TSGA10: variants seen among roughly 807,000 people sequenced by gnomAD.
TSGA10 encodes testis-specific gene 10 protein.
In TSGA10, 43 loss-of-function variants were observed where a neutral mutation model predicts 96.6. The ratio of observed to expected loss-of-function variants is 0.44; its 90% CI spans 0.35 to 0.57. The LOEUF (loss-of-function observed/expected upper bound fraction) is 0.57, where lower values mean the gene tolerates loss of function less well. TSGA10 is among the 20% of genes least tolerant of loss of function. The probability of loss-of-function intolerance (pLI) is 0.01; values close to 1 mark genes in which losing one functional copy is unlikely to be tolerated. For missense variants in TSGA10, 703 were observed against 834.4 expected, an observed-to-expected ratio of 0.84 and a Z score of 1.94; for synonymous variants, 229 against 269.9, an observed-to-expected ratio of 0.85 and a Z score of 1.48.
intron 1 of TSGA10, among the ~76,000 whole-genome samples, chr2:99,153,081 T>A (rs905186632): frequency 6.6e-6 from 1 of 151,808 alleles, no homozygotes; most frequent in African/African-American, 2.4e-5. Context: ...GAGTTGGCAG[T>A]GAGGCTGGAG....
intron 1 of TSGA10, chr2:99,140,961 G>A: frequency 1.5e-6 from 1 of 649,452 alleles, no homozygotes; most frequent in Non-Finnish European, 2.1e-6. Flanking sequence ...CGCTGCTAGC[G>A]CCCAACTCCG....
intron 20 of TSGA10, among the ~76,000 whole-genome samples, chr2:99,013,250 G>T (rs1214916932): frequency 1.3e-5 from 2 of 152,106 alleles, no homozygotes; most frequent in Non-Finnish European, 2.9e-5. Context: ...GTTCAAAGAA[G>T]TTTTTAATTT....
At chr2:99,074,000 CTTTTTT>C (rs1167854716) in intron 12 of TSGA10, among the ~76,000 whole-genome samples, 3 of 52,608 alleles carry the variant, frequency 5.7e-5, no homozygotes, top group Admixed American at 2.6e-4. Flanking sequence ...TGTTTCTTTT[CTTTTTT>C]TTTTTTTTTT....
intron 5 of TSGA10, among the ~76,000 whole-genome samples, chr2:99,110,125 A>G (rs1281307625): frequency 6.6e-6 from 1 of 152,174 alleles, no homozygotes; most frequent in Non-Finnish European, 1.5e-5. Context: ...AGAATGCGCC[A>G]TTGCACTCCA....
In TSGA10 at chr2:99,001,613, C is replaced by T. The variant is rs973704813; in HGVS notation, c.2073-3392G>A. 5.9e-5 allele frequency among the ~76,000 whole-genome samples: 9 copies of T among 152,094 alleles called. No individual in the cohort carries two copies. The East Asian group carries it at 1.5e-3, about 26-fold the overall frequency. ...ACACAGCTCCCCACCAGCAACAGAA[C>T]AAAACTGGACAGAGAATGACTTTAA... On this transcript the variant is annotated intron_variant, in intron 20 of 20. Transcript: ENST00000393483.
chr2:99,085,206 C>T (rs1558964141), intron 10 of TSGA10, among the ~76,000 whole-genome samples: 2 of 151,936 alleles, frequency 1.3e-5, no homozygotes, highest in East Asian at 3.9e-4. Context: ...GAGATCGCAC[C>T]ACTGCACTCC....
intron 20 of TSGA10, among the ~76,000 whole-genome samples, chr2:99,002,707 C>T (rs2078047326): frequency 1.3e-5 from 2 of 152,094 alleles, no homozygotes. Flanking sequence ...GATAAAGAGT[C>T]AAGACCCATC....
chr2:99,070,470 A>T (rs2085827384), intron 14 of TSGA10, among the ~76,000 whole-genome samples: 1 of 152,152 alleles, frequency 6.6e-6, no homozygotes, highest in South Asian at 2.1e-4. Flanking sequence ...TAGTGTTAAA[A>T]TTTTTAAGTG....
chr2:99,018,726 G>T, intron 18 of TSGA10, 86 bp from the exon 19 acceptor site: 3 of 1,148,906 alleles, frequency 2.6e-6, no homozygotes, highest in South Asian at 3.2e-5. Flanking sequence ...ATTGATAGTG[G>T]TTTCTCAGCT....
intron 1 of TSGA10, among the ~76,000 whole-genome samples, chr2:99,150,165 G>T (rs1001179458): frequency 6.6e-6 from 1 of 152,158 alleles, no homozygotes; most frequent in Non-Finnish European, 1.5e-5. Flanking sequence ...TTGGCCTTCA[G>T]TCGTTATTTC....
At chr2:99,023,575 C>T (rs891905132) in intron 17 of TSGA10, among the ~76,000 whole-genome samples, 2 of 152,110 alleles carry the variant, frequency 1.3e-5, no homozygotes, top group African/African-American at 2.4e-5. Flanking sequence ...TTCAGTTAAT[C>T]TTTGCATGTG....
At position 99,078,800 on chromosome 2, in the gene TSGA10, C is replaced by T. The variant is rs751578709; in HGVS notation, c.741G>A (p.Arg247=). The T allele has an allele frequency of 1.9e-6, 3 of 1,611,092 alleles. No homozygotes were observed. The highest frequency in any genetic ancestry group is 1.7e-4 in the Middle Eastern group (1 of 6,044). ...TTTCTTCTCGCTGTGCAATATTTTGCCTTGTAAAGTTATCTATGTATGCAA... is the reference window on the plus strand; with the variant it reads ...TTTCTTCTCGCTGTGCAATATTTTGTCTTGTAAAGTTATCTATGTATGCAA... The part of the protein sequence containing the change: ...CLDEKIDNFT[R]QNIAQREEIS... The change falls in exon 12 of 21, where the codon AGG becomes AGA. Residue 247 remains arginine, a synonymous_variant. Transcript: ENST00000393483.
chr2:99,009,980 T>C lies in TSGA10; in HGVS notation c.2072+8220A>G, dbSNP rs143757569. On this transcript the variant is annotated intron_variant, in intron 20 of 20. Coordinates refer to ENST00000393483, the MANE Select transcript of TSGA10 (RefSeq NM_025244.4). Reference sequence around the variant, plus strand: ...GGGCATGTAGATGTTCTTTGTATTCTTATTTTTGTAACTTTTTGAAAGGTT... The same window carrying C: ...GGGCATGTAGATGTTCTTTGTATTCCTATTTTTGTAACTTTTTGAAAGGTT... 9.2e-3 allele frequency among the ~76,000 whole-genome samples: 1,403 copies of C among 152,340 alleles called. 7 individuals are homozygous for C. Among genetic ancestry groups the C allele is most frequent in the Middle Eastern group, 0.02 (6 of 294 alleles).
intron 20 of TSGA10, among the ~76,000 whole-genome samples, chr2:99,013,123 C>G (rs529622900): frequency 6.6e-6 from 1 of 152,152 alleles, no homozygotes; most frequent in African/African-American, 2.4e-5. Flanking sequence ...CTTAGAGTGT[C>G]TATTTGTGCT....
At chr2:99,004,222 C>T (rs1042093705) in intron 20 of TSGA10, among the ~76,000 whole-genome samples, 3 of 152,134 alleles carry the variant, frequency 2.0e-5, no homozygotes, top group African/African-American at 7.2e-5. Flanking sequence ...TTCCTGGACA[C>T]ATACACCCTC....
At chr2:99,042,486 T>C (rs2082298146) in intron 16 of TSGA10, among the ~76,000 whole-genome samples, 1 of 152,090 alleles carries the variant, frequency 6.6e-6, no homozygotes, top group Non-Finnish European at 1.5e-5. Context: ...CTCACCTCAG[T>C]CAGGCTGCTC....
chr2:99,133,295 T>A lies in TSGA10; in HGVS notation c.-620-6119A>T, dbSNP rs1040140104. 6.6e-5 allele frequency among the ~76,000 whole-genome samples: 10 copies of A among 152,324 alleles called. No individual in the cohort carries two copies. The East Asian group carries it at 1.9e-3, about 29-fold the overall frequency. ...GTATTGGGTGCATATATATTTAGGA[T>A]AATTAGCTCTTCTTGTTGCATTGAT... On this transcript the variant is annotated intron_variant, in intron 1 of 20. Coordinates refer to ENST00000393483, the MANE Select transcript of TSGA10 (RefSeq NM_025244.4).
chr2:99,064,378 A>T (rs1418717142), intron 16 of TSGA10, among the ~76,000 whole-genome samples: 1 of 152,234 alleles, frequency 6.6e-6, no homozygotes, highest in Non-Finnish European at 1.5e-5. Context: ...TTGAGCAAAG[A>T]GGGCAAGTTG....
intron 2 of TSGA10, among the ~76,000 whole-genome samples, chr2:99,123,377 A>T: frequency 6.6e-6 from 1 of 152,024 alleles, no homozygotes; most frequent in East Asian, 1.9e-4. Context: ...GGCTCTATTC[A>T]AATTTTTTTC....
Sources: gnomAD v4.1 joint callset for allele counts (sites outside exome capture counted in the v4.1 genomes callset) on GRCh38, gnomAD v4.1.1 for gene constraint, MANE v1.5 for transcripts, NCBI Gene and HGNC (gene_info 2026-07-23, HGNC 2026-07-21) for gene names.